The following RPS6KC1 variants were observed in gnomAD, a reference collection of about 807,000 sequenced individuals.
The protein encoded by RPS6KC1 is ribosomal protein S6 kinase C1, also known as inactive ribosomal protein S6 kinase delta-1.
RPS6KC1 carries 54 observed loss-of-function variants against 103.8 expected under a neutral mutation model. The observed-to-expected ratio is 0.52, with a 90% CI of 0.42 to 0.65. The LOEUF (loss-of-function observed/expected upper bound fraction) is 0.65. Among genes scored for constraint, RPS6KC1 ranks in the 30% least tolerant of loss-of-function variants. The pLI is 0.00. For missense variants in RPS6KC1, 1,151 were observed against 1,253.8 expected, an observed-to-expected ratio of 0.92 and a Z score of 1.24; for synonymous variants, 439 against 438.7, an observed-to-expected ratio of 1.00 and a Z score of -0.01.
At chr1:213,668,845 T>C in the RPS6KC1 span, among the ~76,000 whole-genome samples, 2 of 152,230 alleles carry the variant, frequency 1.3e-5, no homozygotes, top group Admixed American at 1.3e-4. Flanking sequence ...TGCACCTTTA[T>C]GATATTAAGA....
chr1:213,719,999 C>T, the RPS6KC1 span, among the ~76,000 whole-genome samples: 1 of 151,864 alleles, frequency 6.6e-6, no homozygotes, highest in East Asian at 1.9e-4. Flanking sequence ...GCCTGCTCTT[C>T]CTGCCTTCCT....
chr1:213,437,397 G>A, the RPS6KC1 span, among the ~76,000 whole-genome samples: 1 of 151,890 alleles, frequency 6.6e-6, no homozygotes, highest in Non-Finnish European at 1.5e-5. Flanking sequence ...ATGTATCACA[G>A]GATTCTTTTT....
At chr1:213,702,550 CT>C in the RPS6KC1 span, among the ~76,000 whole-genome samples, 1 of 151,906 alleles carries the variant, frequency 6.6e-6, no homozygotes, top group Admixed American at 6.6e-5. Context: ...TGGGGCCTCT[CT>C]CTTTTTAGCT....
At chr1:213,652,813 A>G in the RPS6KC1 span, among the ~76,000 whole-genome samples, 1 of 152,188 alleles carries the variant, frequency 6.6e-6, no homozygotes, top group Non-Finnish European at 1.5e-5. Flanking sequence ...CCTGAATGCA[A>G]GCACATGACT....
At chr1:213,056,352 G>A (rs914781559) in intron 1 of RPS6KC1, among the ~76,000 whole-genome samples, 7 of 152,166 alleles carry the variant, frequency 4.6e-5, no homozygotes, top group Non-Finnish European at 1.5e-5. Context: ...TTGAACCCAG[G>A]TAGACTGGTC....
intron 8 of RPS6KC1, among the ~76,000 whole-genome samples, chr1:213,203,683 A>G (rs1048738943): frequency 6.6e-6 from 1 of 152,164 alleles, no homozygotes; most frequent in Non-Finnish European, 1.5e-5. Context: ...AAAATCAAAC[A>G]ATAAGCTAAA....
intron 6 of RPS6KC1, among the ~76,000 whole-genome samples, chr1:213,141,592 G>A (rs74962895): frequency 0.092 from 13,962 of 151,806 alleles, 983 homozygotes; most frequent in African/African-American, 0.17. Flanking sequence ...ACTTAAAAAA[G>A]TCGTTTGTAT....
the RPS6KC1 span, among the ~76,000 whole-genome samples, chr1:213,754,722 TA>T: frequency 1.3e-5 from 2 of 152,222 alleles, no homozygotes; most frequent in African/African-American, 4.8e-5. Context: ...CTCTTTTCTT[TA>T]TAAATTACCC....
At chr1:213,283,433 C>T in the RPS6KC1 span, among the ~76,000 whole-genome samples, 1 of 152,022 alleles carries the variant, frequency 6.6e-6, no homozygotes, top group Non-Finnish European at 1.5e-5. Context: ...CAGTTGGGGA[C>T]GAAATACCTG....
At chr1:213,083,741 C>T (rs997618754) in intron 3 of RPS6KC1, among the ~76,000 whole-genome samples, 4 of 152,002 alleles carry the variant, frequency 2.6e-5, no homozygotes, top group Admixed American at 2.6e-4. Context: ...CCAAGATGGC[C>T]CCCAGTGGTC....
At chr1:213,393,328 CT>C in the RPS6KC1 span, among the ~76,000 whole-genome samples, 1 of 152,218 alleles carries the variant, frequency 6.6e-6, no homozygotes. Flanking sequence ...GGTATTGGTG[CT>C]GCCATTCCAC....
At chr1:213,133,257 T>G (rs888294982) in intron 6 of RPS6KC1, among the ~76,000 whole-genome samples, 1 of 152,170 alleles carries the variant, frequency 6.6e-6, no homozygotes. Context: ...CCATCTTGTT[T>G]ATATATTACT....
the RPS6KC1 span, among the ~76,000 whole-genome samples, chr1:213,653,946 CT>C: frequency 6.6e-6 from 1 of 152,208 alleles, no homozygotes; most frequent in South Asian, 2.1e-4. Flanking sequence ...TGTCACACAG[CT>C]AGTTTATAGC....
the RPS6KC1 span, among the ~76,000 whole-genome samples, chr1:213,717,282 C>T: frequency 6.6e-6 from 1 of 152,174 alleles, no homozygotes; most frequent in African/African-American, 2.4e-5. Context: ...TGCAGAAACA[C>T]AGGAGAGAAC....
At chr1:213,118,898 C>G (rs373222457) in intron 5 of RPS6KC1, among the ~76,000 whole-genome samples, 56 of 151,762 alleles carry the variant, frequency 3.7e-4, no homozygotes, top group African/African-American at 1.3e-3. Flanking sequence ...GTGTGTGTGT[C>G]GGGGGCGGTG....
chr1:213,051,339 C>T lies in RPS6KC1; in HGVS notation c.-66C>T, dbSNP rs1371324490. ...CGCCGCTGCGTTGGGGAACCTGGAC[C>T]GCGGCGGCGCCGGGTTTCCCTCATG... On this transcript the variant is annotated 5_prime_UTR_variant, in exon 1 of 15. Transcript: ENST00000366960. 7.7e-7 allele frequency: 1 copy of T among 1,293,786 alleles called. No individual in the cohort carries two copies. The highest frequency in any genetic ancestry group is 1.1e-6 in the Non-Finnish European group (1 of 900,134). The allele number at this position is 1,293,786 out of a possible 1,614,324, so 80.1% of individuals were successfully genotyped here.
chr1:213,707,718 A>G, the RPS6KC1 span, among the ~76,000 whole-genome samples: 2 of 152,222 alleles, frequency 1.3e-5, no homozygotes, highest in African/African-American at 2.4e-5. Flanking sequence ...TAATTTTTGT[A>G]TAAGGTGTAA....
At chr1:213,710,397 G>C in the RPS6KC1 span, among the ~76,000 whole-genome samples, 8 of 151,828 alleles carry the variant, frequency 5.3e-5, no homozygotes, top group Admixed American at 5.2e-4. Context: ...TTTATTTTGA[G>C]CCTATATGTG....
chr1:213,710,453 T>C, the RPS6KC1 span, among the ~76,000 whole-genome samples: 1 of 152,202 alleles, frequency 6.6e-6, no homozygotes, highest in Non-Finnish European at 1.5e-5. Context: ...CACTGACAGG[T>C]CTTGACTCTT....
Sources: allele counts gnomAD v4.1 joint callset (sites outside exome capture counted in the v4.1 genomes callset), GRCh38; gene constraint gnomAD v4.1.1; transcripts MANE v1.5; gene names NCBI Gene and HGNC (gene_info 2026-07-23, HGNC 2026-07-21).